PCBP3: variants seen among roughly 807,000 people sequenced by gnomAD.
PCBP3 encodes poly(rC) binding protein 3, also known as poly(rC)-binding protein 3.
In PCBP3, 25 loss-of-function variants were observed where a neutral mutation model predicts 52.7. That is an observed-to-expected ratio of 0.47 (90% confidence interval 0.35 to 0.66). The LOEUF is 0.66. PCBP3 is among the 30% of genes least tolerant of loss of function. The pLI is 0.01. For missense variants in PCBP3, 391 were observed against 490.3 expected (o/e 0.80, Z 1.91); for synonymous variants, 162 against 183.0 (o/e 0.89, Z 0.93).
intron 2 of PCBP3, among the ~76,000 whole-genome samples, chr21:45,690,841 G>A: frequency 6.6e-6 from 1 of 152,004 alleles, no homozygotes; most frequent in East Asian, 1.9e-4. Context: ...CTAATAGAAT[G>A]GCTAAAATGT....
rs760452121 is a variant in PCBP3, at chr21:45,917,358, G to A, written c.676-230G>A. 1.1e-4 allele frequency: 35 copies of A among 308,688 alleles called. 4 individuals carry two copies. Among genetic ancestry groups the A allele is most frequent in the Non-Finnish European group, 1.9e-5 (3 of 156,468 alleles). 19.1% of individuals were successfully genotyped at this position (308,688 alleles called of 1,614,324 possible). A position where few individuals can be genotyped will look rare whatever the true frequency, so the allele number is the denominator to read the frequency against. ...AGGCTGAACTGTTTCCCTCCCACCC[G>A]CTGAACTGGCCAGCTCAGCTCTGCC... On this transcript the variant is annotated intron_variant, in intron 12 of 17. Transcript: ENST00000681687. The surrounding 1 kb of genome is among the most constrained non-coding windows in gnomAD (Gnocchi z 5.3).
At chr21:45,934,539 G>C (rs959419746) in intron 15 of PCBP3, among the ~76,000 whole-genome samples, 1 of 152,226 alleles carries the variant, frequency 6.6e-6, no homozygotes, top group South Asian at 2.1e-4. Context: ...ATATAGAAAT[G>C]TGCAGCTTTT....
chr21:45,708,521 C>T (rs2083605420), intron 2 of PCBP3, among the ~76,000 whole-genome samples: 1 of 152,264 alleles, frequency 6.6e-6, no homozygotes, highest in South Asian at 2.1e-4. Flanking sequence ...AAGGATTCTC[C>T]TAAAATTCAG....
intron 4 of PCBP3, among the ~76,000 whole-genome samples, chr21:45,825,136 A>G (rs7276615): frequency 0.042 from 6,345 of 151,796 alleles, 305 homozygotes; most frequent in East Asian, 0.11. Flanking sequence ...CACAGGAGGT[A>G]GCTGTGATGC....
intron 4 of PCBP3, among the ~76,000 whole-genome samples, chr21:45,789,863 G>A (rs189608256): frequency 2.0e-5 from 3 of 152,324 alleles, no homozygotes; most frequent in Admixed American, 1.3e-4. Context: ...CTCTCGGCCG[G>A]GCGCAGTGGC....
Position 45,837,251 on chromosome 21 carries a change from C to G in PCBP3, c.-125-12710C>G, listed in dbSNP as rs779056647. 9.8e-5 allele frequency among the ~76,000 whole-genome samples: 15 copies of G among 152,362 alleles called. No individual in the cohort carries two copies. The highest frequency in any genetic ancestry group is 1.8e-4 in the Non-Finnish European group (12 of 68,038). The stretch of plus-strand genomic sequence containing the variant: ...AACGTTTCACTGTGGTCTGTATCTC[C>G]CGTTCCACATGCTCTTGTGCTGTGA... On this transcript the variant is annotated intron_variant, in intron 4 of 17. Transcript: ENST00000681687. The surrounding 1 kb of genome is among the most constrained non-coding windows in gnomAD (Gnocchi z 4.1).
In PCBP3 at chr21:45,864,628, G is replaced by A. The variant is rs142278360; in HGVS notation, c.10+14533G>A. Among the ~76,000 whole-genome samples the A allele has an allele frequency of 9.7e-4, 147 of 152,256 alleles. 1 individual carries two copies. The highest frequency in any genetic ancestry group is 3.1e-3 in the African/African-American group (129 of 41,558). Reference sequence around the variant, plus strand: ...GTGTCTGTGTGGTGTGTCGACCATCGCTGCCATGTTTAGTCACATTTCCTG... The same window carrying A: ...GTGTCTGTGTGGTGTGTCGACCATCACTGCCATGTTTAGTCACATTTCCTG... On this transcript the variant is annotated intron_variant, in intron 5 of 17. Coordinates refer to ENST00000681687, the MANE Select transcript of PCBP3 (RefSeq NM_001384156.1).
intron 17 of PCBP3, among the ~76,000 whole-genome samples, chr21:45,940,908 G>A (rs2077399136): frequency 6.6e-6 from 1 of 152,122 alleles, no homozygotes; most frequent in Admixed American, 6.5e-5. Flanking sequence ...CCCTGAGCTG[G>A]GCTTGTGGGA....
chr21:45,759,314 G>C (rs1251758418), intron 4 of PCBP3, among the ~76,000 whole-genome samples: 2 of 152,176 alleles, frequency 1.3e-5, no homozygotes. Flanking sequence ...GTTGTTGTTG[G>C]AGAGTTTTTA....
chr21:45,763,170 C>T (rs1228214866), intron 4 of PCBP3: 1 of 152,300 alleles, frequency 6.6e-6, no homozygotes, highest in African/African-American at 2.4e-5. Context: ...AGCTGAGCCG[C>T]ACAAGCAGCA....
chr21:45,938,401 T>A (rs187158537), intron 16 of PCBP3, among the ~76,000 whole-genome samples: 3 of 152,272 alleles, frequency 2.0e-5, no homozygotes, highest in Admixed American at 1.3e-4. Context: ...TGCTGCCGAG[T>A]CAGCTATGTT....
chr21:45,771,900 CT>C (rs925200755), intron 4 of PCBP3, among the ~76,000 whole-genome samples: 2 of 152,172 alleles, frequency 1.3e-5, no homozygotes, highest in Non-Finnish European at 2.9e-5. Context: ...TTTATCAAGG[CT>C]GCAGGATGTA....
rs1313579784 is a variant in PCBP3, at chr21:45,817,442, A to G, written c.-125-32519A>G. On this transcript the variant is annotated intron_variant, in intron 4 of 17. Transcript: ENST00000681687. This position sits in a 1 kb window ranked among gnomAD's most constrained non-coding sequence, Gnocchi z 4.3. ...GCGTGCACAGCATAGTATTTGGCCA[A>G]CATCTTCCTGCAGTTTGGGGGCCCC... Among the ~76,000 whole-genome samples, 1 of 152,180 alleles carries G rather than the reference A, an allele frequency of 6.6e-6. No individual in the cohort carries two copies. Among genetic ancestry groups the G allele is most frequent in the East Asian group, 1.9e-4 (1 of 5,202 alleles).
chr21:45,772,173 G>A (rs568798854), intron 4 of PCBP3, among the ~76,000 whole-genome samples: 1 of 152,122 alleles, frequency 6.6e-6, no homozygotes, highest in South Asian at 2.1e-4. Flanking sequence ...TCTTACTGAA[G>A]GTTTGTAATC....
chr21:45,648,550 G>A (rs901953970), intron 1 of PCBP3, among the ~76,000 whole-genome samples: 2 of 152,162 alleles, frequency 1.3e-5, no homozygotes, highest in Non-Finnish European at 2.9e-5. Flanking sequence ...AGTAGACCAG[G>A]TATGCACTTA....
At chr21:45,679,583 C>T (rs757258144) in intron 2 of PCBP3, among the ~76,000 whole-genome samples, 1 of 151,958 alleles carries the variant, frequency 6.6e-6, no homozygotes, top group Non-Finnish European at 1.5e-5. Flanking sequence ...TATTATGGTA[C>T]CTGAAAAATG....
At chr21:45,826,957 G>A (rs895592720) in intron 4 of PCBP3, among the ~76,000 whole-genome samples, 15 of 152,032 alleles carry the variant, frequency 9.9e-5, no homozygotes, top group African/African-American at 2.7e-4. Flanking sequence ...GTACCCACCC[G>A]TGTCAAGGTG....
At chr21:45,818,684 C>G (rs995349717) in intron 4 of PCBP3, among the ~76,000 whole-genome samples, 6 of 152,200 alleles carry the variant, frequency 3.9e-5, no homozygotes, top group Admixed American at 3.9e-4. Context: ...GATTTGAAAA[C>G]TTCAGCCTAC....
intron 5 of PCBP3, among the ~76,000 whole-genome samples, chr21:45,857,752 A>G (rs916072022): frequency 6.6e-6 from 1 of 152,168 alleles, no homozygotes; most frequent in African/African-American, 2.4e-5. Flanking sequence ...CTCTTCAAAT[A>G]TTATTTTGTA....
Sources: allele counts gnomAD v4.1 joint callset (sites outside exome capture counted in the v4.1 genomes callset), GRCh38; gene constraint gnomAD v4.1.1; non-coding constraint Gnocchi (gnomAD v3.1); transcripts MANE v1.5; gene names NCBI Gene and HGNC (gene_info 2026-07-23, HGNC 2026-07-21).